ZNF385C: variants seen among roughly 807,000 people sequenced by gnomAD.
The protein encoded by ZNF385C is zinc finger protein 385C, also known as CTD-2132N18.2.
In ZNF385C, 28 loss-of-function variants were observed where a neutral mutation model predicts 35.4. The ratio of observed to expected loss-of-function variants is 0.79; its 90% CI spans 0.59 to 1.08. ZNF385C has a LOEUF of 1.08. Among genes scored for constraint, ZNF385C ranks in the 50% least tolerant of loss-of-function variants. The pLI is 0.00. For synonymous variants in ZNF385C, 248 were observed against 248.2 expected (o/e 1.00, Z 0.01); for missense variants, 605 against 595.6 (o/e 1.02, Z -0.16).
At chr17:42,031,567 G>A (rs1056744374) in intron 5 of ZNF385C, 52 bp downstream of exon 5, 31 of 1,515,368 alleles carry the variant, frequency 2.0e-5, no homozygotes, top group Admixed American at 8.7e-5. Flanking sequence ...ACCCCTTGTC[G>A]GAAACCAGAT....
At chr17:42,046,889 G>T (rs1425109816) in intron 2 of ZNF385C, among the ~76,000 whole-genome samples, 4 of 147,562 alleles carry the variant, frequency 2.7e-5, no homozygotes, top group African/African-American at 7.5e-5. Context: ...AATTGAGACA[G>T]TTTCACTGTG....
chr17:42,073,292 C>G (rs1354803785), intron 1 of ZNF385C, among the ~76,000 whole-genome samples: 2 of 151,902 alleles, frequency 1.3e-5, no homozygotes, highest in African/African-American at 2.4e-5. Flanking sequence ...AAAAATTAGC[C>G]GGGGGTAGTG....
At chr17:42,039,529 A>C in intron 2 of ZNF385C, 8 of 382,286 alleles carry the variant, frequency 2.1e-5, no homozygotes, top group Middle Eastern at 6.6e-4. Context: ...CCCTTCCTCC[A>C]CAGCCCACAG....
In ZNF385C at chr17:42,077,886, G is replaced by C. The variant is rs938402804; in HGVS notation, c.-2-14828C>G. ...ACTGTGACCCCTCCCCCCACATTTT[G>C]CCTCCTAAAATAGCCCAGAGCCACC... is the stretch of plus-strand genomic sequence containing the variant. On this transcript the variant is annotated intron_variant, in intron 1 of 8. Transcript: ENST00000692273. 5.9e-5 allele frequency among the ~76,000 whole-genome samples: 9 copies of C among 151,732 alleles called. No individual in the cohort carries two copies. In the East Asian group the frequency reaches 1.7e-3, roughly 29 times the overall value.
chr17:42,028,667 G>T, intron 6 of ZNF385C, 116 bp downstream of exon 6: 1 of 1,299,356 alleles, frequency 7.7e-7, no homozygotes, highest in Non-Finnish European at 1.0e-6. Flanking sequence ...CAAGCACAAA[G>T]CCTCCGCCAT....
At chr17:42,086,879 A>G (rs2053815251) in intron 1 of ZNF385C, among the ~76,000 whole-genome samples, 1 of 136,808 alleles carries the variant, frequency 7.3e-6, no homozygotes, top group Non-Finnish European at 1.5e-5. Context: ...CCCAGGCTGG[A>G]GTGCAGTGGC....
intron 8 of ZNF385C, 64 bp downstream of exon 8, chr17:42,027,554 G>A (rs1322424986): frequency 5.6e-5 from 31 of 557,420 alleles, no homozygotes; most frequent in Non-Finnish European, 3.3e-6. Context: ...CCCCCATCTG[G>A]CCCTCCCAGC....
chr17:42,097,778 C>T (rs576938326), intron 1 of ZNF385C, among the ~76,000 whole-genome samples: 2 of 152,166 alleles, frequency 1.3e-5, no homozygotes, highest in South Asian at 2.1e-4. Flanking sequence ...GCCACATCTG[C>T]GATCACCTTC....
chr17:42,028,070 A>G lies in ZNF385C; in HGVS notation c.1144T>C (p.Ser382Pro). ...CCCACCTGCTTCAGTTGGGTCTCTGAATTGACCTGGAGCTGACAGAGAGCA... is the reference window on the plus strand; with the variant it reads ...CCCACCTGCTTCAGTTGGGTCTCTGGATTGACCTGGAGCTGACAGAGAGCA... ...HCALCQLQVN[S>P]ETQLKQHMSS... Residue 382 changes from serine to proline, a missense_variant, in exon 7 of 9, where the codon TCA becomes CCA. Transcript: ENST00000692273. 1 of 1,610,118 alleles carries G rather than the reference A, an allele frequency of 6.2e-7. No individual in the cohort carries two copies. Among genetic ancestry groups the G allele is most frequent in the East Asian group, 2.2e-5 (1 of 44,624 alleles).
Position 42,036,547 on chromosome 17 carries a change from A to C in ZNF385C, c.399+1190T>G, listed in dbSNP as rs549437863. Among the ~76,000 whole-genome samples the C allele has an allele frequency of 9.2e-5, 14 of 152,200 alleles. 1 individual carries two copies. The highest frequency in any genetic ancestry group is 3.4e-4 in the African/African-American group (14 of 41,540). ...ATCTCTGCTTATATAAAAATAAAAT[A>C]AAATAAAAAAGGAACTTTCCAAACC... On this transcript the variant is annotated intron_variant, in intron 3 of 8. Coordinates refer to ENST00000692273, the MANE Select transcript of ZNF385C (RefSeq NM_001392013.1).
chr17:42,061,707 C>T (rs1370989507), intron 2 of ZNF385C: 1 of 152,408 alleles, frequency 6.6e-6, no homozygotes, highest in Non-Finnish European at 1.5e-5. Context: ...AATGCCCCTA[C>T]TCCCCTCATC....
chr17:42,088,701 G>C (rs1411431610), intron 1 of ZNF385C, among the ~76,000 whole-genome samples: 2 of 152,224 alleles, frequency 1.3e-5, no homozygotes, highest in African/African-American at 2.4e-5. Context: ...GGTGTTGGGG[G>C]GAAGAGCTCC....
chr17:42,083,003 G>T (rs1243153210), intron 1 of ZNF385C, among the ~76,000 whole-genome samples: 1 of 151,912 alleles, frequency 6.6e-6, no homozygotes, highest in African/African-American at 2.4e-5. Flanking sequence ...CATGAACCCG[G>T]GAGGTGGAGG....
At chr17:42,039,384 A>C (rs1436633949) in intron 2 of ZNF385C, 1 of 274,980 alleles carries the variant, frequency 3.6e-6, no homozygotes, top group Non-Finnish European at 6.8e-6. Context: ...CTTTGGGGGG[A>C]CCCAAACTTG....
intron 1 of ZNF385C, among the ~76,000 whole-genome samples, chr17:42,068,797 T>G (rs936266586): frequency 6.6e-6 from 1 of 152,192 alleles, no homozygotes; most frequent in South Asian, 2.1e-4. Flanking sequence ...GCCCAAGTCC[T>G]TACCCACTGC....
chr17:42,039,406 GA>G (rs1176476853), intron 2 of ZNF385C: 23 of 308,858 alleles, frequency 7.4e-5, no homozygotes, highest in Non-Finnish European at 1.4e-4. Context: ...CCCGAGTCCA[GA>G]AGGGAAAAGG....
intron 2 of ZNF385C, among the ~76,000 whole-genome samples, chr17:42,046,853 A>T (rs1380661037): frequency 6.6e-6 from 1 of 150,380 alleles, no homozygotes; most frequent in Non-Finnish European, 1.5e-5. Flanking sequence ...ATTAGATGAT[A>T]TTTTTTTTCC....
At chr17:42,058,939 G>A (rs1466235188) in intron 2 of ZNF385C, among the ~76,000 whole-genome samples, 3 of 152,202 alleles carry the variant, frequency 2.0e-5, no homozygotes, top group African/African-American at 7.2e-5. Context: ...TGACAGGCAT[G>A]AGCCACCGCG....
At chr17:42,064,558 T>C (rs1432237692) in intron 1 of ZNF385C, among the ~76,000 whole-genome samples, 1 of 152,066 alleles carries the variant, frequency 6.6e-6, no homozygotes, top group Non-Finnish European at 1.5e-5. Context: ...ATTCATATGA[T>C]GGGTGTCTTT....
Sources: allele counts gnomAD v4.1 joint callset (sites outside exome capture counted in the v4.1 genomes callset), GRCh38; gene constraint gnomAD v4.1.1; transcripts MANE v1.5; gene names NCBI Gene and HGNC (gene_info 2026-07-23, HGNC 2026-07-21).